Variants in PPARGC1A observed in about 807,000 individuals in gnomAD.
PPARGC1A encodes the protein PPARG coactivator 1 alpha.
In PPARGC1A, 25 loss-of-function variants were observed where a neutral mutation model predicts 88.7. The ratio of observed to expected loss-of-function variants is 0.28; its 90% CI spans 0.21 to 0.39. PPARGC1A has a LOEUF of 0.39. Among genes scored for constraint, PPARGC1A ranks in the 10% least tolerant of loss-of-function variants. PPARGC1A has a pLI of 1.00. For synonymous variants in PPARGC1A, 363 were observed against 355.6 expected (o/e 1.02, Z -0.24); for missense variants, 880 against 968.7 (o/e 0.91, Z 1.22).
At chr4:24,427,524 C>T in the PPARGC1A span, among the ~76,000 whole-genome samples, 4 of 152,070 alleles carry the variant, frequency 2.6e-5, no homozygotes, top group African/African-American at 7.2e-5. Context: ...AGGCGATCCA[C>T]CCGTGACCTA....
the PPARGC1A span, among the ~76,000 whole-genome samples, chr4:24,252,667 G>T: frequency 2.6e-5 from 4 of 152,138 alleles, no homozygotes; most frequent in African/African-American, 9.6e-5. Flanking sequence ...TGCTCTTCTC[G>T]TTCCCCTAAC....
chr4:23,996,669 A>T, the PPARGC1A span, among the ~76,000 whole-genome samples: 1 of 152,184 alleles, frequency 6.6e-6, no homozygotes, highest in Non-Finnish European at 1.5e-5. Context: ...GGAAACCTAT[A>T]AAGATTTAGG....
the PPARGC1A span, among the ~76,000 whole-genome samples, chr4:24,344,957 C>A: frequency 6.6e-6 from 1 of 152,150 alleles, no homozygotes; most frequent in Non-Finnish European, 1.5e-5. Context: ...GATCCAGTTT[C>A]ATTCTCCTAC....
At chr4:24,263,694 C>T in the PPARGC1A span, among the ~76,000 whole-genome samples, 1 of 152,156 alleles carries the variant, frequency 6.6e-6, no homozygotes, top group African/African-American at 2.4e-5. Flanking sequence ...TGAGGATGAA[C>T]ACCTTTATGA....
At chr4:23,910,371 T>TATTATATATATTATATATATTATA in the PPARGC1A span, among the ~76,000 whole-genome samples, 2 of 97,548 alleles carry the variant, frequency 2.1e-5, no homozygotes, top group African/African-American at 8.8e-5. Context: ...ATATATTATA[T>TATTATATATATTATATATATTATA]TATATTATAT....
chr4:23,973,538 T>A, the PPARGC1A span, among the ~76,000 whole-genome samples: 3 of 152,234 alleles, frequency 2.0e-5, no homozygotes, highest in African/African-American at 7.2e-5. Context: ...TGTCTATTTA[T>A]ATGTTTCTTA....
At chr4:24,230,044 C>T in the PPARGC1A span, among the ~76,000 whole-genome samples, 1 of 152,116 alleles carries the variant, frequency 6.6e-6, no homozygotes, top group Admixed American at 6.5e-5. Context: ...GCTCCTCATT[C>T]CACCCTGCTC....
the PPARGC1A span, among the ~76,000 whole-genome samples, chr4:24,122,908 C>A: frequency 1.3e-5 from 2 of 152,210 alleles, no homozygotes; most frequent in Admixed American, 6.5e-5. Flanking sequence ...AAGAAGACCC[C>A]GGGATAACAT....
intron 2 of PPARGC1A, among the ~76,000 whole-genome samples, chr4:23,874,806 T>C (rs552461086): frequency 6.6e-6 from 1 of 152,284 alleles, no homozygotes; most frequent in Non-Finnish European, 1.5e-5. Context: ...AGTTTTTTCC[T>C]CCTCTTCCCT....
chr4:24,111,595 G>A, the PPARGC1A span, among the ~76,000 whole-genome samples: 5 of 152,210 alleles, frequency 3.3e-5, no homozygotes, highest in East Asian at 5.8e-4. Flanking sequence ...TTTTAGCTCC[G>A]TGGTGTCAAG....
chr4:24,360,298 A>T, the PPARGC1A span, among the ~76,000 whole-genome samples: 1 of 152,074 alleles, frequency 6.6e-6, no homozygotes, highest in Admixed American at 6.6e-5. Flanking sequence ...CAACCATTTT[A>T]TGACTGCAGA....
the PPARGC1A span, among the ~76,000 whole-genome samples, chr4:24,086,268 T>C: frequency 0.025 from 3,770 of 152,290 alleles, 132 homozygotes; most frequent in African/African-American, 0.072. Flanking sequence ...TTATATCTAC[T>C]GCCAGCTGAA....
At chr4:23,993,160 CTA>C in the PPARGC1A span, among the ~76,000 whole-genome samples, 1 of 152,148 alleles carries the variant, frequency 6.6e-6, no homozygotes, top group Non-Finnish European at 1.5e-5. Flanking sequence ...AAGCTATATT[CTA>C]TGTCACCTCA....
At chr4:24,054,952 A>G in the PPARGC1A span, among the ~76,000 whole-genome samples, 1 of 152,226 alleles carries the variant, frequency 6.6e-6, no homozygotes, top group African/African-American at 2.4e-5. Context: ...TAAATGCTTC[A>G]TATGTGTTAT....
chr4:24,184,418 G>T, the PPARGC1A span, among the ~76,000 whole-genome samples: 1 of 152,224 alleles, frequency 6.6e-6, no homozygotes, highest in Non-Finnish European at 1.5e-5. Context: ...AGATGTTTAA[G>T]AAATTAATCC....
chr4:24,129,986 C>T, the PPARGC1A span, among the ~76,000 whole-genome samples: 6 of 151,536 alleles, frequency 4.0e-5, no homozygotes, highest in East Asian at 2.0e-4. Flanking sequence ...CATCACACAC[C>T]GGGGCCTGTT....
intron 2 of PPARGC1A, among the ~76,000 whole-genome samples, chr4:23,840,763 T>C (rs1726923498): frequency 6.6e-6 from 1 of 152,162 alleles, no homozygotes; most frequent in South Asian, 2.1e-4. Context: ...CCTGATAATA[T>C]AAGAATATAT....
chr4:24,350,909 C>T, the PPARGC1A span, among the ~76,000 whole-genome samples: 7 of 152,208 alleles, frequency 4.6e-5, no homozygotes, highest in African/African-American at 1.7e-4. Flanking sequence ...GCAGGAGGAT[C>T]ACTTGAGGCC....
intron 2 of PPARGC1A, among the ~76,000 whole-genome samples, chr4:23,870,738 T>G (rs1046605932): frequency 6.6e-5 from 10 of 152,180 alleles, no homozygotes; most frequent in African/African-American, 2.4e-4. Context: ...TTAAAAACAG[T>G]GTACTTCTCA....
Sources: allele counts gnomAD v4.1 joint callset (sites outside exome capture counted in the v4.1 genomes callset), GRCh38; gene constraint gnomAD v4.1.1; transcripts MANE v1.5; gene names NCBI Gene and HGNC (gene_info 2026-07-23, HGNC 2026-07-21).